The following GALNTL6 variants were observed in gnomAD, a reference collection of about 807,000 sequenced individuals.
GALNTL6 encodes polypeptide N-acetylgalactosaminyltransferase like 6.
In GALNTL6, 46 loss-of-function variants were observed where a neutral mutation model predicts 73.7. The observed-to-expected ratio is 0.62, with a 90% CI of 0.49 to 0.80. GALNTL6 has a LOEUF of 0.80. Ranked by LOEUF, GALNTL6 falls within the 30% of genes least tolerant of loss-of-function variation. The pLI is 0.00. For synonymous variants in GALNTL6, 259 were observed against 263.7 expected, an observed-to-expected ratio of 0.98 and a Z score of 0.17; for missense variants, 604 against 755.0, an observed-to-expected ratio of 0.80 and a Z score of 2.34.
At chr4:172,782,935 G>GA (rs1398147414) in intron 5 of GALNTL6, among the ~76,000 whole-genome samples, 1 of 152,062 alleles carries the variant, frequency 6.6e-6, no homozygotes, top group Non-Finnish European at 1.5e-5. Flanking sequence ...GCATGGTCTA[G>GA]AAAAAATGTC....
chr4:171,817,680 A>G (rs1456881501), intron 2 of GALNTL6, among the ~76,000 whole-genome samples: 1 of 151,704 alleles, frequency 6.6e-6, no homozygotes, highest in East Asian at 1.9e-4. Context: ...AATCTTCTGC[A>G]TTTATGTTGC....
intron 5 of GALNTL6, among the ~76,000 whole-genome samples, chr4:172,611,227 G>T (rs857291): frequency 6.6e-6 from 1 of 151,972 alleles, no homozygotes; most frequent in Non-Finnish European, 1.5e-5. Context: ...TCATTATGAT[G>T]TTAGCTGGTT....
intron 5 of GALNTL6, among the ~76,000 whole-genome samples, chr4:172,661,218 C>T (rs1232076452): frequency 6.6e-6 from 1 of 152,114 alleles, no homozygotes; most frequent in African/African-American, 2.4e-5. Context: ...ACAAAACTGA[C>T]CTCCAGCCCC....
chr4:172,450,848 C>G (rs1214985416), intron 5 of GALNTL6, among the ~76,000 whole-genome samples: 1 of 152,208 alleles, frequency 6.6e-6, no homozygotes, highest in Non-Finnish European at 1.5e-5. Context: ...GAAGTCTTTC[C>G]TACCTGAAAT....
chr4:172,276,359 G>C (rs886603115), intron 3 of GALNTL6, among the ~76,000 whole-genome samples: 1 of 152,186 alleles, frequency 6.6e-6, no homozygotes, highest in Non-Finnish European at 1.5e-5. Flanking sequence ...GCATGACTGA[G>C]GTCTTGGTAG....
At chr4:172,474,381 T>G (rs1054942928) in intron 5 of GALNTL6, among the ~76,000 whole-genome samples, 34 of 152,326 alleles carry the variant, frequency 2.2e-4, no homozygotes, top group Admixed American at 2.0e-3. Flanking sequence ...ATTTAATTAT[T>G]TATTAAGTTC....
chr4:172,811,878 T>C (rs1341523949), intron 6 of GALNTL6, among the ~76,000 whole-genome samples: 2 of 152,260 alleles, frequency 1.3e-5, no homozygotes, highest in Non-Finnish European at 2.9e-5. Context: ...TGTCTTTGCT[T>C]CATTCCTGAA....
At position 172,650,723 on chromosome 4, in the gene GALNTL6, A is replaced by G. The variant is rs868521004; in HGVS notation, c.554-158638A>G. Reference sequence around the variant, plus strand: ...GATGACAATGGACTTTGGGAACAGAATGTAAAGAATTGACTTTGAATAACA... The same window carrying G: ...GATGACAATGGACTTTGGGAACAGAGTGTAAAGAATTGACTTTGAATAACA... On this transcript the variant is annotated intron_variant, in intron 5 of 12. Transcript: ENST00000506823. Among the ~76,000 whole-genome samples the G allele has an allele frequency of 2.0e-5, 3 of 152,334 alleles. No homozygotes were observed. In the Middle Eastern group the frequency reaches 0.01, roughly 518 times the overall value.
intron 2 of GALNTL6, among the ~76,000 whole-genome samples, chr4:171,988,594 T>A (rs1056052143): frequency 6.6e-6 from 1 of 152,146 alleles, no homozygotes; most frequent in Non-Finnish European, 1.5e-5. Flanking sequence ...ACGGGGTGGA[T>A]AGGCAAAACA....
At chr4:172,768,739 G>A (rs1738587773) in intron 5 of GALNTL6, among the ~76,000 whole-genome samples, 1 of 152,174 alleles carries the variant, frequency 6.6e-6, no homozygotes, top group Non-Finnish European at 1.5e-5. Context: ...AGAAACCTAG[G>A]TCAAATCCAG....
intron 5 of GALNTL6, among the ~76,000 whole-genome samples, chr4:172,628,531 A>G (rs1438325749): frequency 6.6e-6 from 1 of 151,114 alleles, no homozygotes; most frequent in African/African-American, 2.4e-5. Context: ...CAGGCATTCA[A>G]GACCAGCCTA....
At chr4:172,967,344 G>A (rs756685150) in intron 10 of GALNTL6, among the ~76,000 whole-genome samples, 7 of 152,134 alleles carry the variant, frequency 4.6e-5, no homozygotes, top group Non-Finnish European at 1.0e-4. Context: ...CCATTCCAAA[G>A]AGAAACTAAA....
chr4:172,173,273 A>T (rs997718220), intron 2 of GALNTL6, among the ~76,000 whole-genome samples: 1 of 152,218 alleles, frequency 6.6e-6, no homozygotes, highest in Non-Finnish European at 1.5e-5. Context: ...CTGACTTTTA[A>T]AGTGAGTCTT....
intron 5 of GALNTL6, among the ~76,000 whole-genome samples, chr4:172,695,626 TTATTTTTATTTTCAA>T (rs1451825404): frequency 1.3e-5 from 2 of 152,176 alleles, no homozygotes; most frequent in Non-Finnish European, 2.9e-5. Flanking sequence ...TCTTTCTAAT[TTATTTTTATTTTCAA>T]TATTTTTCTC....
At chr4:172,007,884 C>T (rs1196720879) in intron 2 of GALNTL6, among the ~76,000 whole-genome samples, 1 of 152,030 alleles carries the variant, frequency 6.6e-6, no homozygotes, top group Non-Finnish European at 1.5e-5. Flanking sequence ...ATAAGGTCAA[C>T]TTGTAACATT....
intron 2 of GALNTL6, among the ~76,000 whole-genome samples, chr4:172,203,334 A>G (rs1736014159): frequency 6.6e-6 from 1 of 152,228 alleles, no homozygotes; most frequent in Admixed American, 6.5e-5. Context: ...TTTGTCAAGA[A>G]AGAGGTAAAA....
chr4:172,518,838 A>C (rs1486899175), intron 5 of GALNTL6, among the ~76,000 whole-genome samples: 2 of 151,950 alleles, frequency 1.3e-5, no homozygotes, highest in Non-Finnish European at 2.9e-5. Flanking sequence ...CATGTTTCAG[A>C]AATATTATTT....
At chr4:171,885,034 G>T (rs1455773746) in intron 2 of GALNTL6, among the ~76,000 whole-genome samples, 3 of 149,144 alleles carry the variant, frequency 2.0e-5, no homozygotes, top group African/African-American at 7.4e-5. Flanking sequence ...TCCAGCCTGG[G>T]CAACAGAGTG....
intron 9 of GALNTL6, among the ~76,000 whole-genome samples, chr4:172,945,915 T>A (rs1749145159): frequency 1.3e-5 from 2 of 152,112 alleles, no homozygotes; most frequent in Non-Finnish European, 2.9e-5. Context: ...ATATTATCAA[T>A]GATAAAAGGG....
Sources: allele counts gnomAD v4.1 joint callset (sites outside exome capture counted in the v4.1 genomes callset), GRCh38; gene constraint gnomAD v4.1.1; transcripts MANE v1.5; gene names NCBI Gene and HGNC (gene_info 2026-07-23, HGNC 2026-07-21).